The following ADAM32 variants were observed in gnomAD, a reference collection of about 807,000 sequenced individuals.
The protein encoded by ADAM32 is disintegrin and metalloproteinase domain-containing protein 32.
ADAM32 carries 89 observed loss-of-function variants against 114.9 expected under a neutral mutation model. The ratio of observed to expected loss-of-function variants is 0.77; its 90% CI spans 0.65 to 0.92. The LOEUF (loss-of-function observed/expected upper bound fraction) is 0.92, where lower values mean the gene tolerates loss of function less well. Ranked by LOEUF, ADAM32 falls within the 40% of genes least tolerant of loss-of-function variation. The probability of loss-of-function intolerance (pLI) is 0.00; values close to 1 mark genes in which losing one functional copy is unlikely to be tolerated. For missense variants in ADAM32, 870 were observed against 932.8 expected, an observed-to-expected ratio of 0.93 and a Z score of 0.88; for synonymous variants, 285 against 307.5, an observed-to-expected ratio of 0.93 and a Z score of 0.77.
At chr8:39,225,332 C>A (rs904347570) in intron 14 of ADAM32, among the ~76,000 whole-genome samples, 3 of 152,200 alleles carry the variant, frequency 2.0e-5, no homozygotes, top group African/African-American at 7.2e-5. Flanking sequence ...TCCACAAACA[C>A]CCACTCTACT....
intron 15 of ADAM32, 90 bp from the exon 16 acceptor site, chr8:39,233,809 C>T: frequency 1.1e-6 from 1 of 911,578 alleles, no homozygotes; most frequent in South Asian, 4.2e-5. Context: ...AAGTGGAAAA[C>T]CATTCTTTTT....
intron 4 of ADAM32, 38 bp downstream of exon 4, chr8:39,147,243 A>T (rs1803562306): frequency 1.2e-6 from 1 of 831,542 alleles, no homozygotes; most frequent in Non-Finnish European, 1.6e-6. Context: ...TTTTTTTTAA[A>T]TTTTTTTACA....
chr8:39,139,178 A>G (rs1273877630), intron 3 of ADAM32, among the ~76,000 whole-genome samples: 1 of 152,132 alleles, frequency 6.6e-6, no homozygotes, highest in East Asian at 1.9e-4. Context: ...TCTTTAGTTT[A>G]GTTAGATTCC....
At chr8:39,205,480 A>G (rs2129448060) in intron 11 of ADAM32, among the ~76,000 whole-genome samples, 1 of 152,342 alleles carries the variant, frequency 6.6e-6, no homozygotes, top group African/African-American at 2.4e-5. Context: ...AAAGCACAGT[A>G]TTAGGGTGGG....
intron 10 of ADAM32, among the ~76,000 whole-genome samples, chr8:39,175,074 A>T (rs569367820): frequency 6.6e-6 from 1 of 152,246 alleles, no homozygotes; most frequent in African/African-American, 2.4e-5. Flanking sequence ...TAGCTTAAGG[A>T]GCTTTTGGGC....
chr8:39,181,801 G>T (rs115419405), intron 10 of ADAM32, among the ~76,000 whole-genome samples: 1 of 152,158 alleles, frequency 6.6e-6, no homozygotes, highest in East Asian at 1.9e-4. Flanking sequence ...GGTGCTAGAG[G>T]AGTAATCAGG....
At chr8:39,254,765 T>C (rs1239209371) in intron 18 of ADAM32, among the ~76,000 whole-genome samples, 1 of 151,826 alleles carries the variant, frequency 6.6e-6, no homozygotes, top group African/African-American at 2.4e-5. Context: ...TTTGGTAACA[T>C]GGATAAGTTC....
rs533710448 is a variant in ADAM32 at position 39,226,103 on chromosome 8, C to G, written c.1525+2865C>G. On this transcript the variant is annotated intron_variant, in intron 14 of 24. Transcript: ENST00000379907. The stretch of plus-strand genomic sequence containing the variant: ...GAACACAATGAATAACATTAAAATG[C>G]AATAGATAATATCAACAACAGAATT... 2.0e-4 allele frequency among the ~76,000 whole-genome samples: 31 copies of G among 151,756 alleles called. 1 individual carries two copies. The South Asian group carries it at 6.5e-3, about 32-fold the overall frequency.
At chr8:39,165,786 T>C (rs575687517) in intron 9 of ADAM32, 1 of 152,326 alleles carries the variant, frequency 6.6e-6, no homozygotes, top group Non-Finnish European at 1.5e-5. Flanking sequence ...TTCTTTTGCT[T>C]GTGTGAGACT....
chr8:39,139,800 C>A (rs1391495729), intron 3 of ADAM32, among the ~76,000 whole-genome samples: 4 of 152,190 alleles, frequency 2.6e-5, no homozygotes, highest in Non-Finnish European at 5.9e-5. Flanking sequence ...TTCTTCCTAT[C>A]TATGAGCATG....
rs936803201 is a variant in ADAM32 at position 39,257,329 on chromosome 8, A to G, written c.2148A>G (p.Glu716=). ...QLKKWFAKEE[E]FPSSESKSEG... ...AAAAGTGGTTCGCCAAGGAAGAGGA[A>G]TTCCCAAGTAGCGAGTAAATTGCAT... Residue 716 remains glutamate, a synonymous_variant, in exon 19 of 25, where the codon GAA becomes GAG. Transcript: ENST00000379907. 6.2e-7 allele frequency: 1 copy of G among 1,613,226 alleles called. No homozygotes were observed. Among genetic ancestry groups the G allele is most frequent in the Non-Finnish European group, 8.5e-7 (1 of 1,179,440 alleles).
intron 11 of ADAM32, among the ~76,000 whole-genome samples, chr8:39,208,186 A>G (rs570068380): frequency 6.6e-6 from 1 of 152,264 alleles, no homozygotes; most frequent in Admixed American, 6.5e-5. Flanking sequence ...ATTTTCACTA[A>G]GAATGTTCAA....
chr8:39,202,369 T>C (rs1348701808), intron 11 of ADAM32, among the ~76,000 whole-genome samples: 4 of 152,220 alleles, frequency 2.6e-5, no homozygotes, highest in African/African-American at 9.6e-5. Flanking sequence ...GGTGTATGTG[T>C]CCAGGAATTT....
At chr8:39,260,582 T>G (rs1809903375) in intron 19 of ADAM32, among the ~76,000 whole-genome samples, 1 of 152,160 alleles carries the variant, frequency 6.6e-6, no homozygotes, top group Non-Finnish European at 1.5e-5. Context: ...CAACCATCCT[T>G]GCATCACAAA....
chr8:39,146,557 C>T (rs181681251), intron 3 of ADAM32, among the ~76,000 whole-genome samples: 1 of 151,972 alleles, frequency 6.6e-6, no homozygotes, highest in Non-Finnish European at 1.5e-5. Context: ...ATTATAGGCA[C>T]CTGCCACCAC....
intron 20 of ADAM32, among the ~76,000 whole-genome samples, chr8:39,273,880 T>C (rs1454417331): frequency 6.6e-6 from 1 of 152,310 alleles, no homozygotes; most frequent in Non-Finnish European, 1.5e-5. Context: ...GCTAGATTGC[T>C]TAGGAGGCAG....
At chr8:39,211,460 T>A in intron 12 of ADAM32, 136 bp downstream of exon 12, 1 of 836,356 alleles carries the variant, frequency 1.2e-6, no homozygotes, top group Non-Finnish European at 1.7e-6. Context: ...TCGAAATACA[T>A]ACAAGAAAAT....
intron 1 of ADAM32, among the ~76,000 whole-genome samples, chr8:39,110,768 A>G (rs943651457): frequency 5.3e-5 from 8 of 152,184 alleles, no homozygotes; most frequent in Non-Finnish European, 1.5e-5. Flanking sequence ...AGAAGAGAGA[A>G]TTTAAACTTT....
At chr8:39,210,086 C>T (rs1405351637) in intron 11 of ADAM32, among the ~76,000 whole-genome samples, 1 of 152,182 alleles carries the variant, frequency 6.6e-6, no homozygotes, top group Non-Finnish European at 1.5e-5. Flanking sequence ...TTGGCTCTAT[C>T]CTGCTGGGGT....
Sources: gnomAD v4.1 joint callset for allele counts (sites outside exome capture counted in the v4.1 genomes callset) on GRCh38, gnomAD v4.1.1 for gene constraint, MANE v1.5 for transcripts, NCBI Gene and HGNC (gene_info 2026-07-23, HGNC 2026-07-21) for gene names.